The following PDSS2 variants were observed in gnomAD, a reference collection of about 807,000 sequenced individuals.
PDSS2 encodes decaprenyl diphosphate synthase subunit 2, also known as all trans-polyprenyl-diphosphate synthase PDSS2.
PDSS2 carries 31 observed loss-of-function variants against 44.5 expected under a neutral mutation model. That is an observed-to-expected ratio of 0.70 (90% confidence interval 0.52 to 0.94). The LOEUF (loss-of-function observed/expected upper bound fraction) is 0.94, where lower values mean the gene tolerates loss of function less well. Among genes scored for constraint, PDSS2 ranks in the 40% least tolerant of loss-of-function variants. The pLI is 0.00. For missense variants in PDSS2, 452 were observed against 482.2 expected (o/e 0.94, Z 0.59); for synonymous variants, 157 against 180.3 (o/e 0.87, Z 1.03).
intron 7 of PDSS2, among the ~76,000 whole-genome samples, chr6:107,190,432 CTAAG>C (rs1772332964): frequency 6.6e-6 from 1 of 152,110 alleles, no homozygotes; most frequent in South Asian, 2.1e-4. Context: ...TCGTCACTTA[CTAAG>C]TGTCAAGTAC....
At chr6:107,354,601 T>C (rs147632215) in intron 1 of PDSS2, among the ~76,000 whole-genome samples, 14 of 152,330 alleles carry the variant, frequency 9.2e-5, no homozygotes, top group African/African-American at 3.4e-4. Flanking sequence ...CCTGCATGTA[T>C]TATCAGCACA....
At chr6:107,258,081 T>C (rs1775083973) in intron 3 of PDSS2, among the ~76,000 whole-genome samples, 1 of 152,190 alleles carries the variant, frequency 6.6e-6, no homozygotes, top group Admixed American at 6.5e-5. Context: ...TATCAGAAAT[T>C]TACATTTGTA....
intron 2 of PDSS2, among the ~76,000 whole-genome samples, chr6:107,318,590 T>C (rs1777277791): frequency 6.6e-6 from 1 of 152,132 alleles, no homozygotes; most frequent in Non-Finnish European, 1.5e-5. Flanking sequence ...AAAATGATAA[T>C]GCCTTGATAG....
At chr6:107,318,714 G>A (rs1266753563) in intron 2 of PDSS2, among the ~76,000 whole-genome samples, 2 of 152,068 alleles carry the variant, frequency 1.3e-5, no homozygotes, top group Admixed American at 6.6e-5. Flanking sequence ...GGCCGGGCAC[G>A]GTGGCTCACG....
At chr6:107,281,748 C>T (rs1196913851) in intron 2 of PDSS2, among the ~76,000 whole-genome samples, 3 of 152,146 alleles carry the variant, frequency 2.0e-5, no homozygotes, top group African/African-American at 2.4e-5. Context: ...TTGAATATGG[C>T]TCAGTCTTGT....
chr6:107,252,458 G>C (rs542542864), intron 3 of PDSS2, among the ~76,000 whole-genome samples: 2 of 152,260 alleles, frequency 1.3e-5, no homozygotes, highest in East Asian at 3.9e-4. Context: ...TCTGGCTAAG[G>C]GGGTAGCGAA....
At chr6:107,264,066 T>C (rs1473090495) in intron 3 of PDSS2, 2 of 179,914 alleles carry the variant, frequency 1.1e-5, no homozygotes, top group Admixed American at 6.2e-5. Context: ...CTATAAACAC[T>C]ATCATAATAA....
At chr6:107,255,490 T>C (rs1161523476) in intron 3 of PDSS2, among the ~76,000 whole-genome samples, 1 of 151,568 alleles carries the variant, frequency 6.6e-6, no homozygotes, top group East Asian at 1.9e-4. Flanking sequence ...CCACGCCAGG[T>C]CCTATGGCTT....
intron 1 of PDSS2, among the ~76,000 whole-genome samples, chr6:107,427,422 T>C (rs1481401770): frequency 6.6e-6 from 1 of 152,116 alleles, no homozygotes; most frequent in Non-Finnish European, 1.5e-5. Context: ...AATTGACTAA[T>C]AGAGTCTTGT....
At chr6:107,456,808 C>G (rs1184218661) in intron 1 of PDSS2, among the ~76,000 whole-genome samples, 2 of 152,116 alleles carry the variant, frequency 1.3e-5, no homozygotes, top group Admixed American at 1.3e-4. Flanking sequence ...TCCCAAAGTG[C>G]TGGGATCACA....
chr6:107,176,938 C>T (rs947705472), intron 7 of PDSS2, among the ~76,000 whole-genome samples: 1 of 151,682 alleles, frequency 6.6e-6, no homozygotes, highest in Non-Finnish European at 1.5e-5. Flanking sequence ...CTTGCTATGT[C>T]AAGGAGTGAA....
At chr6:107,229,601 G>A (rs1021942878) in intron 4 of PDSS2, among the ~76,000 whole-genome samples, 1 of 152,014 alleles carries the variant, frequency 6.6e-6, no homozygotes, top group South Asian at 2.1e-4. Context: ...TCTAGTCGAC[G>A]TCCCCTGCCC....
intron 2 of PDSS2, among the ~76,000 whole-genome samples, chr6:107,313,477 TG>T (rs1157931422): frequency 6.6e-6 from 1 of 152,008 alleles, no homozygotes; most frequent in African/African-American, 2.4e-5. Flanking sequence ...CTCAGCCTCC[TG>T]AGTAGCTGGG....
chr6:107,352,409 A>T (rs1778459981), intron 1 of PDSS2, among the ~76,000 whole-genome samples: 1 of 152,224 alleles, frequency 6.6e-6, no homozygotes, highest in Admixed American at 6.5e-5. Context: ...AAGATTCTAA[A>T]ATTCTATTAA....
At chr6:107,353,738 T>C (rs927932647) in intron 1 of PDSS2, among the ~76,000 whole-genome samples, 2 of 152,138 alleles carry the variant, frequency 1.3e-5, no homozygotes, top group Non-Finnish European at 2.9e-5. Context: ...AACTTCTCAA[T>C]TAAATTCATG....
chr6:107,396,652 CCTTT>C (rs966043573), intron 1 of PDSS2, among the ~76,000 whole-genome samples: 2 of 149,238 alleles, frequency 1.3e-5, no homozygotes, highest in African/African-American at 2.5e-5. Context: ...GAGGATTTGC[CCTTT>C]CTTTTTTTCC....
chr6:107,276,724 A>T (rs2114957366), intron 2 of PDSS2, among the ~76,000 whole-genome samples: 1 of 152,350 alleles, frequency 6.6e-6, no homozygotes, highest in Middle Eastern at 3.4e-3. Context: ...GAGTTTGACC[A>T]TATGACTTGT....
intron 3 of PDSS2, among the ~76,000 whole-genome samples, chr6:107,251,134 G>A (rs979982091): frequency 6.6e-6 from 1 of 152,154 alleles, no homozygotes; most frequent in African/African-American, 2.4e-5. Flanking sequence ...GATTACAGGC[G>A]TGAGCCACCG....
At chr6:107,232,123 T>C (rs929375224) in intron 4 of PDSS2, among the ~76,000 whole-genome samples, 19 of 152,174 alleles carry the variant, frequency 1.2e-4, no homozygotes, top group African/African-American at 2.4e-5. Context: ...GAGTGAGCAG[T>C]CCTAGAGTAA....
Sources: gnomAD v4.1 joint callset for allele counts (sites outside exome capture counted in the v4.1 genomes callset) on GRCh38, gnomAD v4.1.1 for gene constraint, MANE v1.5 for transcripts, NCBI Gene and HGNC (gene_info 2026-07-23, HGNC 2026-07-21) for gene names.